KLF12: variants seen among roughly 807,000 people sequenced by gnomAD.
KLF12 encodes the protein KLF transcription factor 12.
KLF12 carries 9 observed loss-of-function variants against 37.8 expected under a neutral mutation model. The ratio of observed to expected loss-of-function variants is 0.24; its 90% CI spans 0.14 to 0.42. The LOEUF (loss-of-function observed/expected upper bound fraction) is 0.42, where lower values mean the gene tolerates loss of function less well. Ranked by LOEUF, KLF12 falls within the 10% of genes least tolerant of loss-of-function variation. The probability of loss-of-function intolerance (pLI) is 1.00; values close to 1 mark genes in which losing one functional copy is unlikely to be tolerated. For synonymous variants in KLF12, 208 were observed against 202.1 expected (o/e 1.03, Z -0.25); for missense variants, 411 against 516.0 (o/e 0.80, Z 1.97).
chr13:73,932,031 A>G (rs1471118865), intron 3 of KLF12, among the ~76,000 whole-genome samples: 1 of 151,806 alleles, frequency 6.6e-6, no homozygotes, highest in African/African-American at 2.4e-5. Flanking sequence ...CACAGTTAAA[A>G]AAAAAAAGAA....
At chr13:74,073,076 C>A (rs1874370225) in intron 1 of KLF12, among the ~76,000 whole-genome samples, 1 of 152,218 alleles carries the variant, frequency 6.6e-6, no homozygotes, top group African/African-American at 2.4e-5. Flanking sequence ...CTCCTGCCTG[C>A]TGCCACGTTA....
At chr13:73,723,072 G>C (rs1157904093) in intron 6 of KLF12, among the ~76,000 whole-genome samples, 1 of 152,112 alleles carries the variant, frequency 6.6e-6, no homozygotes, top group African/African-American at 2.4e-5. Flanking sequence ...AAGATCATAA[G>C]CTGTATTAGG....
At chr13:74,155,121 C>T in the KLF12 span, among the ~76,000 whole-genome samples, 2 of 152,288 alleles carry the variant, frequency 1.3e-5, no homozygotes, top group South Asian at 4.1e-4. Flanking sequence ...AGTTCTCTCA[C>T]AGGATCCTGG....
At chr13:74,233,851 A>C in the KLF12 span, among the ~76,000 whole-genome samples, 1 of 152,214 alleles carries the variant, frequency 6.6e-6, no homozygotes, top group Non-Finnish European at 1.5e-5. Flanking sequence ...CTTAATATAC[A>C]AAAATCATTT....
intron 1 of KLF12, among the ~76,000 whole-genome samples, chr13:73,995,995 G>A (rs568699846): frequency 3.3e-5 from 5 of 152,290 alleles, no homozygotes; most frequent in Admixed American, 6.5e-5. Flanking sequence ...TCTATGGGCC[G>A]TAGCACTGGG....
At chr13:73,697,892 G>A (rs1446773379) in intron 7 of KLF12, among the ~76,000 whole-genome samples, 1 of 152,126 alleles carries the variant, frequency 6.6e-6, no homozygotes, top group Admixed American at 6.5e-5. Context: ...GTTGCTTACG[G>A]CAGTAATCCC....
At chr13:73,831,859 T>G (rs951770059) in intron 4 of KLF12, among the ~76,000 whole-genome samples, 1 of 152,206 alleles carries the variant, frequency 6.6e-6, no homozygotes, top group Non-Finnish European at 1.5e-5. Context: ...TGCTACAAAA[T>G]TTTGTGACTA....
rs533055322 is a variant in KLF12, at chr13:73,821,729, C to T, written c.671-8442G>A. Among the ~76,000 whole-genome samples, 28 of 152,254 alleles carry T rather than the reference C, an allele frequency of 1.8e-4. No individual in the cohort carries two copies. The South Asian group carries it at 5.4e-3, about 29-fold the overall frequency. ...CAGCAGCCCTCCGCATCCTACAACT[C>T]ATTTTCCACTGGGAGCAATGATGAG... On this transcript the variant is annotated intron_variant, in intron 4 of 7. Transcript: ENST00000377669.
the KLF12 span, among the ~76,000 whole-genome samples, chr13:74,305,605 G>A: frequency 0.037 from 5,555 of 151,860 alleles, 179 homozygotes; most frequent in African/African-American, 0.084. Flanking sequence ...AGTTCAGTGG[G>A]GGTCACTTAA....
intron 1 of KLF12, among the ~76,000 whole-genome samples, chr13:74,121,635 T>G (rs1179691705): frequency 6.6e-6 from 1 of 151,976 alleles, no homozygotes; most frequent in African/African-American, 2.4e-5. Context: ...GCAAATAACA[T>G]TAAAATGTTA....
intron 6 of KLF12, among the ~76,000 whole-genome samples, chr13:73,721,129 C>T (rs542929087): frequency 6.6e-6 from 1 of 152,304 alleles, no homozygotes; most frequent in South Asian, 2.1e-4. Context: ...GAGATTGACA[C>T]TACTATCCCT....
chr13:73,883,285 C>A (rs911365356), intron 3 of KLF12, among the ~76,000 whole-genome samples: 4 of 152,078 alleles, frequency 2.6e-5, no homozygotes, highest in Non-Finnish European at 5.9e-5. Context: ...ATTGAATCAG[C>A]CTCACAAGTT....
chr13:74,093,741 TGAGA>T (rs1354044826), intron 1 of KLF12, among the ~76,000 whole-genome samples: 1 of 151,288 alleles, frequency 6.6e-6, no homozygotes, highest in African/African-American at 2.4e-5. Context: ...ATATATATAG[TGAGA>T]GAGCCTGTAT....
chr13:74,067,104 G>A (rs1363581651), intron 1 of KLF12, among the ~76,000 whole-genome samples: 1 of 152,140 alleles, frequency 6.6e-6, no homozygotes, highest in African/African-American at 2.4e-5. Flanking sequence ...AGTTTAGCAG[G>A]TCAAGTACAA....
chr13:74,181,234 G>A, the KLF12 span, among the ~76,000 whole-genome samples: 228 of 151,752 alleles, frequency 1.5e-3, 2 homozygotes, highest in Middle Eastern at 0.014. Context: ...TCCTGACCTC[G>A]TGATCCACCC....
intron 3 of KLF12, among the ~76,000 whole-genome samples, chr13:73,858,142 A>T (rs1008521949): frequency 6.6e-6 from 1 of 152,156 alleles, no homozygotes; most frequent in Admixed American, 6.5e-5. Context: ...TTAAAATTTT[A>T]AAAGTCATAT....
At chr13:74,235,294 G>A in the KLF12 span, among the ~76,000 whole-genome samples, 1 of 152,298 alleles carries the variant, frequency 6.6e-6, no homozygotes, top group East Asian at 1.9e-4. Flanking sequence ...AAGGAAACCA[G>A]AAAACATGGT....
At chr13:74,130,337 C>CA (rs1878191830) in intron 1 of KLF12, among the ~76,000 whole-genome samples, 1 of 152,138 alleles carries the variant, frequency 6.6e-6, no homozygotes, top group Admixed American at 6.5e-5. Flanking sequence ...TAGAAAATGA[C>CA]AGATAAGCAA....
chr13:74,243,702 C>A, the KLF12 span, among the ~76,000 whole-genome samples: 1 of 152,086 alleles, frequency 6.6e-6, no homozygotes, highest in Admixed American at 6.5e-5. Flanking sequence ...TCTCTAATGA[C>A]TAATGATGAT....
Sources: allele counts gnomAD v4.1 joint callset (sites outside exome capture counted in the v4.1 genomes callset), GRCh38; gene constraint gnomAD v4.1.1; transcripts MANE v1.5; gene names NCBI Gene and HGNC (gene_info 2026-07-23, HGNC 2026-07-21).